Variants in MACO1 observed in about 807,000 individuals in gnomAD.
MACO1 encodes the protein macoilin 1.
In MACO1, 14 loss-of-function variants were observed where a neutral mutation model predicts 78.7. That is an observed-to-expected ratio of 0.18 (90% CI 0.12 to 0.28). The LOEUF is 0.28. Among genes scored for constraint, MACO1 ranks in the 10% least tolerant of loss-of-function variants. The pLI is 1.00. For synonymous variants in MACO1, 288 were observed against 291.6 expected (o/e 0.99, Z 0.12); for missense variants, 501 against 799.0 (o/e 0.63, Z 4.50).
At position 25,458,619 on chromosome 1, in the gene MACO1, A is replaced by G. The variant is rs2043144156; in HGVS notation, c.881A>G (p.Asn294Ser). ...QEIEYMENHI[N>S]SKRLNNDLVG... ...ATTGAGTATATGGAAAACCATATCA[A>G]TAGTAAAAGATTAAATAATGATCTT... Residue 294 changes from asparagine to serine, a missense_variant, in exon 6 of 11, where the codon AAT becomes AGT. Asn to Ser is a conservative substitution (Grantham distance 46). Transcript: ENST00000374343. 5.6e-6 allele frequency: 9 copies of G among 1,613,944 alleles called. No individual in the cohort carries two copies. The highest frequency in any genetic ancestry group is 2.7e-5 in the African/African-American group (2 of 74,924).
At position 25,464,975 on chromosome 1, in the gene MACO1, A is replaced by ATTT. The variant is rs374057922; in HGVS notation, c.1154+6096_1154+6098dup. ...AGGCATGAGCCACTGCGCCCAGGCA[A>ATTT]TTTTTTTTTTTTTTTAATATAGAGA... On this transcript the variant is annotated intron_variant, in intron 6 of 10. Coordinates refer to ENST00000374343, the MANE Select transcript of MACO1 (RefSeq NM_018202.6). 3.0e-3 allele frequency among the ~76,000 whole-genome samples: 426 copies of ATTT among 141,212 alleles called. 1 individual carries two copies. Among genetic ancestry groups the ATTT allele is most frequent in the Middle Eastern group, 0.011 (3 of 268 alleles). 92.6% of individuals were successfully genotyped at this position (141,212 alleles called of 152,430 possible).
At chr1:25,484,693 A>G (rs527369749) in intron 7 of MACO1, among the ~76,000 whole-genome samples, 1 of 152,346 alleles carries the variant, frequency 6.6e-6, no homozygotes, top group South Asian at 2.1e-4. Context: ...TTGAAAAGGC[A>G]GGCAGAAAGC....
intron 6 of MACO1, among the ~76,000 whole-genome samples, chr1:25,480,928 AAATATATATATATATATATAT>A (rs869289457): frequency 3.7e-5 from 1 of 26,900 alleles, no homozygotes; most frequent in Non-Finnish European, 7.3e-5. Flanking sequence ...AAAAAAAAAA[AAATATATATATATATATATAT>A]ATATATATAT....
chr1:25,469,361 A>C (rs1048246237), intron 6 of MACO1, among the ~76,000 whole-genome samples: 1 of 152,208 alleles, frequency 6.6e-6, no homozygotes, highest in African/African-American at 2.4e-5. Flanking sequence ...GTGAGTGAGC[A>C]AAGTGTCATT....
At chr1:25,440,424 A>G (rs1456712895) in intron 1 of MACO1, among the ~76,000 whole-genome samples, 1 of 150,974 alleles carries the variant, frequency 6.6e-6, no homozygotes, top group Non-Finnish European at 1.5e-5. Flanking sequence ...AAAAAAAAGA[A>G]GAAAGAAAAA....
At chr1:25,443,395 G>A (rs1031857466) in intron 1 of MACO1, among the ~76,000 whole-genome samples, 1 of 152,182 alleles carries the variant, frequency 6.6e-6, no homozygotes, top group Non-Finnish European at 1.5e-5. Context: ...TTTGGAGGCA[G>A]GCCTGCCTGA....
intron 1 of MACO1, among the ~76,000 whole-genome samples, chr1:25,441,810 A>AG (rs1417726959): frequency 1.3e-5 from 2 of 152,216 alleles, no homozygotes; most frequent in Non-Finnish European, 2.9e-5. Flanking sequence ...AATTGTACTT[A>AG]GGTAGGGATC....
intron 6 of MACO1, among the ~76,000 whole-genome samples, chr1:25,479,440 GTC>G (rs1479291915): frequency 6.6e-6 from 1 of 151,766 alleles, no homozygotes; most frequent in Admixed American, 6.6e-5. Flanking sequence ...TTGAAATGGA[GTC>G]TCTCTCTGTC....
chr1:25,497,890 T>C (rs533768759), intron 10 of MACO1, among the ~76,000 whole-genome samples: 37 of 152,236 alleles, frequency 2.4e-4, no homozygotes, highest in Non-Finnish European at 3.8e-4. Flanking sequence ...TCCTGGAAAC[T>C]GACTTCTTTA....
At chr1:25,496,924 C>T (rs560444374) in intron 10 of MACO1, among the ~76,000 whole-genome samples, 41 of 152,294 alleles carry the variant, frequency 2.7e-4, no homozygotes, top group South Asian at 1.5e-3. Context: ...TCAGTTTCCT[C>T]ATCTATAAAA....
intron 6 of MACO1, among the ~76,000 whole-genome samples, chr1:25,473,784 C>T (rs965883508): frequency 6.6e-6 from 1 of 152,178 alleles, no homozygotes; most frequent in Non-Finnish European, 1.5e-5. Context: ...CTTTGCCAGC[C>T]AATGTGGGTA....
Position 25,499,210 on chromosome 1 carries a change from C to A in MACO1, c.*744C>A, listed in dbSNP as rs554552598. 6.6e-6 allele frequency: 1 copy of A among 152,202 alleles called. No individual in the cohort carries two copies. 9.4% of individuals were successfully genotyped at this position (152,202 alleles called of 1,614,324 possible). On this transcript the variant is annotated 3_prime_UTR_variant, in exon 11 of 11. Transcript: ENST00000374343. ...CTTGATAATTTTAAACTCTTTTCCC[C>A]CTTTACCGTCATCTATCCTCTATCT...
At chr1:25,449,944 G>A (rs2043050494) in intron 3 of MACO1, among the ~76,000 whole-genome samples, 1 of 152,168 alleles carries the variant, frequency 6.6e-6, no homozygotes, top group African/African-American at 2.4e-5. Context: ...GCTTGAACCC[G>A]GGAGACAGAG....
At chr1:25,443,477 C>G (rs563801993) in intron 1 of MACO1, among the ~76,000 whole-genome samples, 1 of 152,168 alleles carries the variant, frequency 6.6e-6, no homozygotes, top group Non-Finnish European at 1.5e-5. Flanking sequence ...GATACCTGTA[C>G]TTCTAAACTG....
At chr1:25,470,114 G>A (rs1375293970) in intron 6 of MACO1, among the ~76,000 whole-genome samples, 1 of 152,188 alleles carries the variant, frequency 6.6e-6, no homozygotes, top group Non-Finnish European at 1.5e-5. Flanking sequence ...ATAATCAGTG[G>A]ATTCAATATG....
chr1:25,449,585 G>T (rs1438096860), intron 3 of MACO1, among the ~76,000 whole-genome samples: 1 of 151,912 alleles, frequency 6.6e-6, no homozygotes, highest in East Asian at 1.9e-4. Context: ...GCCCAGGCTG[G>T]ACTTGAACTC....
rs2043039577 is a variant in MACO1, at chr1:25,448,898, A to G, written c.313A>G (p.Ser105Gly). 1 of 1,547,762 alleles carries G rather than the reference A, an allele frequency of 6.5e-7. No homozygotes were observed. Among genetic ancestry groups the G allele is most frequent in the Admixed American group, 1.7e-5 (1 of 59,588 alleles). The stretch of plus-strand genomic sequence containing the variant: ...CATACAGTGGCTTTTTTTTGCTGCT[A>G]GCACATATGTATGGGTTCAGTACGT... Reference protein sequence around the residue: ...IPIQWLFFAASTYVWVQYVWH... With the variant: ...IPIQWLFFAAGTYVWVQYVWH... The change falls in exon 3 of 11, where the codon AGC becomes GGC. Residue 105 changes from serine (S) to glycine (G), a missense_variant. Transcript: ENST00000374343.
intron 6 of MACO1, among the ~76,000 whole-genome samples, chr1:25,464,439 G>A (rs976329862): frequency 7.0e-6 from 1 of 142,798 alleles, no homozygotes; most frequent in African/African-American, 2.6e-5. Context: ...CCACCTCCCA[G>A]GTTCAAGCGA....
At chr1:25,442,818 A>G (rs1374866429) in intron 1 of MACO1, among the ~76,000 whole-genome samples, 1 of 152,218 alleles carries the variant, frequency 6.6e-6, no homozygotes, top group Non-Finnish European at 1.5e-5. Flanking sequence ...AGCTTACAAG[A>G]CCATCAGAAG....
Sources: gnomAD v4.1 joint callset for allele counts (sites outside exome capture counted in the v4.1 genomes callset) on GRCh38, gnomAD v4.1.1 for gene constraint, MANE v1.5 for transcripts, NCBI Gene and HGNC (gene_info 2026-07-23, HGNC 2026-07-21) for gene names.